UBR4: variants seen among roughly 807,000 people sequenced by gnomAD.
The protein encoded by UBR4 is E3 ubiquitin-protein ligase UBR4.
A neutral mutation model predicts 575.6 loss-of-function variants in UBR4; 124 were observed. The observed-to-expected ratio is 0.22, with a 90% CI of 0.19 to 0.25. The LOEUF (loss-of-function observed/expected upper bound fraction) is 0.25, where lower values mean the gene tolerates loss of function less well. Among genes scored for constraint, UBR4 ranks in the 10% least tolerant of loss-of-function variants. The pLI, the probability that UBR4 is intolerant of heterozygous loss-of-function variation, is 1.00. For synonymous variants in UBR4, 2,455 were observed against 2,473.7 expected, an observed-to-expected ratio of 0.99 and a Z score of 0.22; for missense variants, 4,818 against 6,478.8, an observed-to-expected ratio of 0.74 and a Z score of 8.80.
intron 66 of UBR4, 89 bp downstream of exon 66, chr1:19,122,744 C>G (rs2081313829): frequency 3.5e-6 from 5 of 1,410,958 alleles, no homozygotes; most frequent in Non-Finnish European, 4.0e-6. Flanking sequence ...AGTTAAAAGT[C>G]CTGCATTATT....
At chr1:19,104,511 A>T in intron 86 of UBR4, 74 bp downstream of exon 86, 1 of 1,508,940 alleles carries the variant, frequency 6.6e-7, no homozygotes, top group Non-Finnish European at 9.1e-7. Context: ...AGTCAACCCC[A>T]GCACCCAAGG....
In UBR4 at chr1:19,199,402, T is replaced by A. The variant is rs182342531; in HGVS notation, c.378+249A>T. On this transcript the variant is annotated intron_variant, in intron 3 of 105. Coordinates refer to ENST00000375254, the MANE Select transcript of UBR4 (RefSeq NM_020765.3). ...AGAGGTTGGCAAACTACAGCTCCAA[T>A]TCAAACACTGCCTGTTTTTGTAAAT... 2.3e-3 allele frequency among the ~76,000 whole-genome samples: 356 copies of A among 152,302 alleles called. 2 individuals carry two copies. The highest frequency in any genetic ancestry group is 8.4e-3 in the African/African-American group (350 of 41,568).
rs746400902 is a variant in UBR4, at chr1:19,093,499, A to G, written c.13938-13T>C. On this transcript the variant is annotated splice_polypyrimidine_tract_variant and intron_variant, in intron 95 of 105. Coordinates refer to ENST00000375254, the MANE Select transcript of UBR4 (RefSeq NM_020765.3). This position sits in a 1 kb window ranked among gnomAD's most constrained non-coding sequence, Gnocchi z 4.8. Reference sequence around the variant, plus strand: ...ATCTTCATCATATCTAGGAGGAAAGAGCAGAGTTTGAGGGTGTGAAAGGCG... The same window carrying G: ...ATCTTCATCATATCTAGGAGGAAAGGGCAGAGTTTGAGGGTGTGAAAGGCG... 2.5e-6 allele frequency: 4 copies of G among 1,613,640 alleles called. No individual in the cohort carries two copies. The highest frequency in any genetic ancestry group is 4.5e-5 in the East Asian group (2 of 44,878).
intron 60 of UBR4, among the ~76,000 whole-genome samples, chr1:19,136,178 A>T (rs2083179847): frequency 6.6e-6 from 1 of 152,198 alleles, no homozygotes; most frequent in African/African-American, 2.4e-5. Context: ...AACCTCCCTA[A>T]AGGAAAATCT....
rs2274000 is a variant in UBR4, at chr1:19,144,894, A to G, written c.7959T>C (p.Ile2653=). ...CCACCAGAGCATTGACAGTAGCTTC[A>G]ATATGAGTTAGTCCTAAAGGAGAGA... ...APACLPGLTH[I]EATVNALVDI... Residue 2653 remains isoleucine (I), a synonymous_variant, in exon 54 of 106, where the codon ATT becomes ATC. Coordinates refer to ENST00000375254, the MANE Select transcript of UBR4 (RefSeq NM_020765.3). 0.021 allele frequency: 33,367 copies of G among 1,613,978 alleles called. 3,069 individuals are homozygous for G. The African/African-American group carries it at 0.27, about 13-fold the overall frequency.
intron 60 of UBR4, among the ~76,000 whole-genome samples, chr1:19,132,605 T>TAAAAAAAAAAAAAAAAAAA: frequency 2.5e-4 from 6 of 24,094 alleles, no homozygotes; most frequent in East Asian, 1.2e-3. Context: ...TAAAAAATGG[T>TAAAAAAAAAAAAAAAAAAA]AAAAAAAAAA....
At chr1:19,149,197 G>A (rs2085305377) in intron 49 of UBR4, among the ~76,000 whole-genome samples, 1 of 152,098 alleles carries the variant, frequency 6.6e-6, no homozygotes, top group Non-Finnish European at 1.5e-5. Flanking sequence ...AAAGGAATAG[G>A]AAACCCAACT....
Position 19,086,196 on chromosome 1 carries a change from G to T in UBR4, c.14762C>A (p.Pro4921Gln). Residue 4921 changes from proline to glutamine, a missense_variant, in exon 101 of 106, where the codon CCG becomes CAG. By Grantham distance (76) the Pro-to-Gln change is moderately conservative (BLOSUM62 -1). This residue lies in a region of UBR4 where 196 missense variants were observed against 386.8 expected (regional missense o/e 0.51). Coordinates refer to ENST00000375254, the MANE Select transcript of UBR4 (RefSeq NM_020765.3). ...TTCAGGGACATGAGGTCCCCAGACC[G>T]GAAGGAGCCCGTTGCACTTGGTGTT... ...NANTKCNGLL[P>Q]VWGPHVPESA... The T allele has an allele frequency of 6.2e-7, 1 of 1,614,108 alleles. No individual in the cohort carries two copies. The highest frequency in any genetic ancestry group is 8.5e-7 in the Non-Finnish European group (1 of 1,180,026).
intron 53 of UBR4, among the ~76,000 whole-genome samples, chr1:19,145,508 G>GACACACACACACACACAC (rs555050832): frequency 0.024 from 3,412 of 145,038 alleles, 84 homozygotes; most frequent in East Asian, 0.097. Flanking sequence ...AAACCACTGA[G>GACACACACACACACACAC]ACACACACAC....
At chr1:19,151,591 A>G (rs1350902789) in intron 48 of UBR4, 52 bp downstream of exon 48, 4 of 1,598,996 alleles carry the variant, frequency 2.5e-6, no homozygotes, top group Non-Finnish European at 2.6e-6. Flanking sequence ...AGTGGCTCCC[A>G]ATTTCGCAGT....
intron 11 of UBR4, among the ~76,000 whole-genome samples, chr1:19,189,449 G>A (rs1202096969): frequency 6.6e-6 from 1 of 152,174 alleles, no homozygotes; most frequent in Non-Finnish European, 1.5e-5. Context: ...GGCAACTACG[G>A]TATATTTACA....
chr1:19,159,060 C>T (rs1174900174), intron 39 of UBR4, among the ~76,000 whole-genome samples: 3 of 152,134 alleles, frequency 2.0e-5, no homozygotes, highest in Admixed American at 6.5e-5. Context: ...GCATGAGAAT[C>T]GCTGGAACCA....
Position 19,167,165 on chromosome 1 carries a change from G to T in UBR4, c.3966C>A (p.Ser1322Arg), listed in dbSNP as rs779535137. The T allele has an allele frequency of 3.1e-6, 5 of 1,614,190 alleles. No homozygotes were observed. In the South Asian group the frequency reaches 4.4e-5, roughly 14 times the overall value. Residue 1322 changes from serine to arginine, a missense_variant, in exon 29 of 106, where the codon AGC (serine) becomes AGA (arginine). Around this residue, in one of 29 missense-constraint regions of UBR4, gnomAD observed 1,172 missense variants for 1,259.7 expected, o/e 0.93. Coordinates refer to ENST00000375254, the MANE Select transcript of UBR4 (RefSeq NM_020765.3). ...TACTGATCTCGGCAACACTCTCAGT[G>T]CTTGATTCCAAAAGAAGAGGTAGCA... The part of the protein sequence containing the change: ...RTLLPLLLES[S>R]TESVAEISSN...
intron 49 of UBR4, among the ~76,000 whole-genome samples, chr1:19,150,155 G>A (rs2296107): frequency 1.3e-5 from 2 of 152,048 alleles, no homozygotes; most frequent in African/African-American, 4.8e-5. Context: ...CTCTCTTGCT[G>A]GCAATGTTAT....
At chr1:19,142,810 A>G (rs1380855172) in intron 55 of UBR4, among the ~76,000 whole-genome samples, 1 of 152,234 alleles carries the variant, frequency 6.6e-6, no homozygotes, top group African/African-American at 2.4e-5. Flanking sequence ...TTTACTCTTT[A>G]TAATATTGCT....
At chr1:19,156,534 C>G in intron 41 of UBR4, 111 bp from the exon 42 acceptor site, 1 of 1,393,232 alleles carries the variant, frequency 7.2e-7, no homozygotes, top group African/African-American at 1.4e-5. Flanking sequence ...TGCCTTCAGA[C>G]AGTATTTAGA....
rs61759877 is a variant in UBR4 at position 19,148,583 on chromosome 1, C to T, written c.7474G>A (p.Val2492Ile). 2.8e-5 allele frequency: 45 copies of T among 1,614,206 alleles called. No individual in the cohort carries two copies. The highest frequency in any genetic ancestry group is 1.7e-4 in the Middle Eastern group (1 of 6,060). The change falls in exon 50 of 106, where the codon GTT (valine) becomes ATT (isoleucine). Residue 2492 changes from valine to isoleucine, a missense_variant. Val to Ile is a conservative substitution (Grantham distance 29, BLOSUM62 3). Transcript: ENST00000375254. ...CTTGCCTTCTCGATGATTGGGCCAACGGCAAAGCAGCTTTCCAGGGCTTCT... is the reference window on the plus strand; with the variant it reads ...CTTGCCTTCTCGATGATTGGGCCAATGGCAAAGCAGCTTTCCAGGGCTTCT... ...SLEALESCFA[V>I]GPIIEKERNK...
chr1:19,182,547 C>A (rs1300442420), intron 17 of UBR4, among the ~76,000 whole-genome samples: 3 of 152,098 alleles, frequency 2.0e-5, no homozygotes, highest in Non-Finnish European at 2.9e-5. Flanking sequence ...AATTGACATA[C>A]TGTTTTCCAC....
At chr1:19,202,804 T>C (rs554673730) in intron 1 of UBR4, among the ~76,000 whole-genome samples, 2 of 152,286 alleles carry the variant, frequency 1.3e-5, no homozygotes, top group African/African-American at 4.8e-5. Context: ...GCACGGTGGC[T>C]GGCCGGGTGT....
Sources: allele counts gnomAD v4.1 joint callset (sites outside exome capture counted in the v4.1 genomes callset), GRCh38; gene constraint gnomAD v4.1.1; regional missense constraint gnomAD v4.1.1; non-coding constraint Gnocchi (gnomAD v3.1); transcripts MANE v1.5; gene names NCBI Gene and HGNC (gene_info 2026-07-23, HGNC 2026-07-21).